Variants in PLA2G7 observed in about 807,000 individuals in gnomAD.
PLA2G7 encodes platelet-activating factor acetylhydrolase.
A neutral mutation model predicts 49.6 loss-of-function variants in PLA2G7; 63 were observed. The ratio of observed to expected loss-of-function variants is 1.27; its 90% CI spans 1.04 to 1.57. The LOEUF is 1.57. Ranked by LOEUF, PLA2G7 falls within the 40% of genes most tolerant of loss-of-function variation. The probability of loss-of-function intolerance (pLI) is 0.00; values close to 1 mark genes in which losing one functional copy is unlikely to be tolerated. For missense variants in PLA2G7, 596 were observed against 521.2 expected (o/e 1.14, Z -1.40); for synonymous variants, 193 against 169.9 (o/e 1.14, Z -1.06).
intron 1 of PLA2G7, among the ~76,000 whole-genome samples, chr6:46,734,446 G>C (rs1326928248): frequency 1.2e-5 from 1 of 86,384 alleles, no homozygotes; most frequent in African/African-American, 6.2e-5. Context: ...GAGAGAGAGA[G>C]AGAGAGAGAG....
intron 10 of PLA2G7, among the ~76,000 whole-genome samples, chr6:46,707,377 A>T (rs1484542253): frequency 1.3e-5 from 2 of 152,134 alleles, no homozygotes; most frequent in African/African-American, 4.8e-5. Flanking sequence ...TATAGTTTGG[A>T]TCTGTGTCCC....
At position 46,735,373 on chromosome 6, in the gene PLA2G7, T is replaced by G. The variant is rs1333835484; in HGVS notation, c.-228A>C. 1 of 152,738 alleles carries G rather than the reference T, an allele frequency of 6.5e-6. No individual in the cohort carries two copies. Among genetic ancestry groups the G allele is most frequent in the Non-Finnish European group, 1.5e-5 (1 of 68,436 alleles). 9.5% of individuals were successfully genotyped at this position (152,738 alleles called of 1,614,324 possible). A position where few individuals can be genotyped will look rare whatever the true frequency, so the allele number is the denominator to read the frequency against. ...GCGGGCGGGTGGGCTGCGCGCGGGC[T>G]GTGTCCTGGGTCCGCCTAGCGCGGC... On this transcript the variant is annotated 5_prime_UTR_variant, in exon 1 of 12. Transcript: ENST00000274793.
intron 2 of PLA2G7, among the ~76,000 whole-genome samples, chr6:46,717,345 A>G (rs1284197068): frequency 1.3e-5 from 2 of 152,130 alleles, no homozygotes; most frequent in African/African-American, 4.8e-5. Flanking sequence ...GTTACCTCCT[A>G]ATGTTTGCAG....
At chr6:46,707,076 G>A (rs1193412454) in intron 10 of PLA2G7, among the ~76,000 whole-genome samples, 10 of 151,998 alleles carry the variant, frequency 6.6e-5, no homozygotes, top group Non-Finnish European at 1.2e-4. Flanking sequence ...ATATCTCATC[G>A]AGAGTTCAAA....
chr6:46,705,376 G>A, intron 10 of PLA2G7, 75 bp from the exon 11 acceptor site: 2 of 1,204,170 alleles, frequency 1.7e-6, no homozygotes, highest in South Asian at 1.3e-5. Context: ...GTGTAAGAAA[G>A]GTACTGGTCT....
At chr6:46,705,466 G>C (rs1015590506) in intron 10 of PLA2G7, among the ~76,000 whole-genome samples, 165 bp from the exon 11 acceptor site, 14 of 152,188 alleles carry the variant, frequency 9.2e-5, no homozygotes, top group Admixed American at 4.6e-4. Context: ...AGGGTCACAG[G>C]CTGTTTGTTT....
In PLA2G7 at chr6:46,712,298, A is replaced by G. The variant is rs1017498411; in HGVS notation, c.510T>C (p.His170=). 1 of 1,612,852 alleles carries G rather than the reference A, an allele frequency of 6.2e-7. No individual in the cohort carries two copies. The highest frequency in any genetic ancestry group is 8.5e-7 in the Non-Finnish European group (1 of 1,178,954). The change falls in exon 6 of 12, where the codon CAT becomes CAC. Residue 170 remains histidine (H), a synonymous_variant. Coordinates refer to ENST00000274793, the MANE Select transcript of PLA2G7 (RefSeq NM_005084.4). ...GTTCTACAGCAGCAACTATAAACCC[A>G]TGAGATGCCAGGTCAATGCCAATAG... The part of the protein sequence containing the change: ...YSAIGIDLAS[H]GFIVAAVEHR...
intron 1 of PLA2G7, among the ~76,000 whole-genome samples, chr6:46,731,131 A>G (rs1012236354): frequency 1.3e-5 from 2 of 152,222 alleles, no homozygotes; most frequent in Non-Finnish European, 2.9e-5. Flanking sequence ...GTGAGTCAGG[A>G]AAGAGAAATA....
At position 46,729,700 on chromosome 6, in the gene PLA2G7, C is replaced by T. The variant is rs141534660; in HGVS notation, c.-35+5480G>A. The stretch of plus-strand genomic sequence containing the variant: ...CTGCTGACACTAGGGGCTGATAAGT[C>T]TTGGCTGTGGGGGCTGTCCTGTGCA... On this transcript the variant is annotated intron_variant, in intron 1 of 11. Transcript: ENST00000274793. Among the ~76,000 whole-genome samples, 863 of 151,702 alleles carry T rather than the reference C, an allele frequency of 5.7e-3. 9 individuals carry two copies. The highest frequency in any genetic ancestry group is 8.5e-3 in the Non-Finnish European group (575 of 68,018).
intron 1 of PLA2G7, among the ~76,000 whole-genome samples, chr6:46,726,137 C>G (rs1278129162): frequency 6.6e-6 from 1 of 152,164 alleles, no homozygotes; most frequent in East Asian, 1.9e-4. Flanking sequence ...GTAAGAGGAC[C>G]CTTCCCTGAA....
intron 1 of PLA2G7, among the ~76,000 whole-genome samples, chr6:46,729,561 A>G (rs574315553): frequency 6.6e-6 from 1 of 152,334 alleles, no homozygotes; most frequent in East Asian, 1.9e-4. Flanking sequence ...TACAGTTGAG[A>G]TAATGAAGAC....
rs571679206 is a variant in PLA2G7, at chr6:46,705,930, C to T, written c.1041-629G>A. ...TCTTGCACTTTTTTTCTTTACGTTT[C>T]CTTAACATTGCACCTTCCCTTCTGA... On this transcript the variant is annotated intron_variant, in intron 10 of 11. Coordinates refer to ENST00000274793, the MANE Select transcript of PLA2G7 (RefSeq NM_005084.4). Among the ~76,000 whole-genome samples, 17 of 152,164 alleles carry T rather than the reference C, an allele frequency of 1.1e-4. 1 individual carries two copies. In the South Asian group the frequency reaches 3.5e-3, roughly 32 times the overall value.
Position 46,734,875 on chromosome 6 carries a change from A to G in PLA2G7, c.-35+305T>C, listed in dbSNP as rs546436758. On this transcript the variant is annotated intron_variant, in intron 1 of 11. Transcript: ENST00000274793. ...GAGAGAGAGAGAGAAAAAAAAGAAA[A>G]GAAAACTCCATGTGTTCCCTGCCTG... Among the ~76,000 whole-genome samples the G allele has an allele frequency of 6.4e-4, 98 of 152,258 alleles. 1 individual carries two copies. The highest frequency in any genetic ancestry group is 2.2e-3 in the African/African-American group (90 of 41,556).
At position 46,717,057 on chromosome 6, in the gene PLA2G7, C is replaced by G; in HGVS notation, c.149G>C (p.Ser50Thr). The G allele has an allele frequency of 6.2e-7, 1 of 1,613,820 alleles. No individual in the cohort carries two copies. The change falls in exon 3 of 12, where the codon AGC becomes ACC. Residue 50 changes from serine to threonine, a missense_variant. Physicochemically the swap from Ser to Thr is moderately conservative, Grantham distance 58. Transcript: ENST00000274793. ...NKIQVLMAAA[S>T]FGQTKIPRGN... ...CCGGGGGATTTTAGTTTGGCCAAAG[C>G]TTGCAGCAGCCATCAGTACTTGTAT... is the stretch of plus-strand genomic sequence containing the variant.
Position 46,722,826 on chromosome 6 carries a change from A to G in PLA2G7, c.66T>C (p.Phe22=). The change falls in exon 2 of 12, where the codon TTT becomes TTC. Residue 22 remains phenylalanine, a synonymous_variant. Coordinates refer to ENST00000274793, the MANE Select transcript of PLA2G7 (RefSeq NM_005084.4). The stretch of plus-strand genomic sequence containing the variant: ...CAACAGGATTTATGTATTGCCAGTC[A>G]AAAGGATAAACCACAGCCAGGCAGC... The part of the protein sequence containing the change: ...LCGCLAVVYP[F]DWQYINPVAH... 6.2e-7 allele frequency: 1 copy of G among 1,613,790 alleles called. No homozygotes were observed. Among genetic ancestry groups the G allele is most frequent in the Non-Finnish European group, 8.5e-7 (1 of 1,179,670 alleles).
At position 46,714,467 on chromosome 6, in the gene PLA2G7, C is replaced by T. The variant is rs149037413; in HGVS notation, c.463G>A (p.Ala155Thr). 3.1e-6 allele frequency: 5 copies of T among 1,604,058 alleles called. No individual in the cohort carries two copies. Among genetic ancestry groups the T allele is most frequent in the Non-Finnish European group, 3.4e-6 (4 of 1,171,156 alleles). Residue 155 changes from alanine to threonine, a missense_variant, in exon 5 of 12, where the codon GCA becomes ACA. Coordinates refer to ENST00000274793, the MANE Select transcript of PLA2G7 (RefSeq NM_005084.4). ...CAACCTCTCAAACATTACCTGAATG[C>T]CCCAAGACCATGAGAAAAAACAACA... ...PLVVFSHGLG[A>T]FRTLYSAIGI...
intron 1 of PLA2G7, among the ~76,000 whole-genome samples, chr6:46,731,740 T>A (rs1350126829): frequency 2.0e-5 from 3 of 152,188 alleles, no homozygotes; most frequent in Non-Finnish European, 4.4e-5. Flanking sequence ...ATAATAATGG[T>A]AATAATGTCT....
In PLA2G7 at chr6:46,716,526, G is replaced by A. The variant is rs562765483; in HGVS notation, c.234C>T (p.Gly78=). ...TDLMFDHTNK[G]TFLRLYYPSQ... is the part of the protein sequence containing the mutation. ...ATGGATAATATAAACGCAAGAAGGT[G>A]CCCTGTTAAGAAAGAAATTAATGCA... is the stretch of plus-strand genomic sequence containing the variant. Residue 78 remains glycine (G), a splice_region_variant and synonymous_variant, in exon 4 of 12, where the codon GGC becomes GGT. Coordinates refer to ENST00000274793, the MANE Select transcript of PLA2G7 (RefSeq NM_005084.4). 1.2e-6 allele frequency: 2 copies of A among 1,613,430 alleles called. No individual in the cohort carries two copies. Among genetic ancestry groups the A allele is most frequent in the Non-Finnish European group, 1.7e-6 (2 of 1,179,488 alleles).
intron 1 of PLA2G7, among the ~76,000 whole-genome samples, chr6:46,727,829 G>T (rs912349406): frequency 1.3e-5 from 2 of 152,178 alleles, no homozygotes; most frequent in Non-Finnish European, 2.9e-5. Context: ...TCTTGGAAAG[G>T]TAAGGAGACA....
Sources: allele counts gnomAD v4.1 joint callset (sites outside exome capture counted in the v4.1 genomes callset), GRCh38; gene constraint gnomAD v4.1.1; transcripts MANE v1.5; gene names NCBI Gene and HGNC (gene_info 2026-07-23, HGNC 2026-07-21).